Variants in CYP20A1 observed in about 807,000 individuals in gnomAD.
CYP20A1 encodes cytochrome P450 family 20 subfamily A member 1.
CYP20A1 carries 61 observed loss-of-function variants against 61.4 expected under a neutral mutation model. That is an observed-to-expected ratio of 0.99 (90% CI 0.81 to 1.23). CYP20A1 has a LOEUF of 1.23. CYP20A1 is among the 50% of genes most tolerant of loss of function. The pLI, the probability that CYP20A1 is intolerant of heterozygous loss-of-function variation, is 0.00. For missense variants in CYP20A1, 530 were observed against 542.4 expected, an observed-to-expected ratio of 0.98 and a Z score of 0.23; for synonymous variants, 193 against 188.2, an observed-to-expected ratio of 1.03 and a Z score of -0.21.
At chr2:203,244,857 C>T (rs1283862887) in intron 1 of CYP20A1, among the ~76,000 whole-genome samples, 4 of 151,164 alleles carry the variant, frequency 2.6e-5, no homozygotes, top group Middle Eastern at 3.4e-3. Context: ...CTCAGCCTCC[C>T]GAGTAGCTGG....
intron 4 of CYP20A1, among the ~76,000 whole-genome samples, chr2:203,258,610 A>C (rs188509015): frequency 1.3e-4 from 20 of 152,316 alleles, no homozygotes; most frequent in African/African-American, 4.6e-4. Flanking sequence ...ATTAGTTTCT[A>C]TCTTTTCCAG....
chr2:203,258,112 A>G (rs1048566254), intron 4 of CYP20A1, among the ~76,000 whole-genome samples: 2 of 147,268 alleles, frequency 1.4e-5, no homozygotes, highest in African/African-American at 2.5e-5. Context: ...TATATTTCCT[A>G]TGCTACTCTT....
chr2:203,289,568 T>C (rs2068443042), intron 9 of CYP20A1, among the ~76,000 whole-genome samples, 197 bp from the exon 10 acceptor site: 1 of 151,934 alleles, frequency 6.6e-6, no homozygotes, highest in Non-Finnish European at 1.5e-5. Flanking sequence ...AAAAATGTAT[T>C]TATTTTAAAA....
Position 203,271,245 on chromosome 2 carries a change from G to C in CYP20A1, c.601-1425G>C, listed in dbSNP as rs373848032. ...TGGGACTACAGGTGCCCGCCACCAC[G>C]CCCGGCTAATTTTTTTGTATTTTTA... On this transcript the variant is annotated intron_variant, in intron 5 of 12. Coordinates refer to ENST00000356079, the MANE Select transcript of CYP20A1 (RefSeq NM_177538.3). Among the ~76,000 whole-genome samples the C allele has an allele frequency of 1.1e-4, 17 of 150,162 alleles. No homozygotes were observed. In the East Asian group the frequency reaches 2.9e-3, roughly 26 times the overall value.
intron 4 of CYP20A1, among the ~76,000 whole-genome samples, chr2:203,266,058 G>A (rs567948653): frequency 6.6e-6 from 1 of 152,226 alleles, no homozygotes; most frequent in Non-Finnish European, 1.5e-5. Flanking sequence ...AATATTTGGT[G>A]AAGGAAGGAA....
In CYP20A1 at chr2:203,299,047, G is replaced by A. The variant is rs1335732503; in HGVS notation, c.*2139G>A. 6.6e-6 allele frequency among the ~76,000 whole-genome samples: 1 copy of A among 151,924 alleles called. No individual in the cohort carries two copies. The highest frequency in any genetic ancestry group is 1.5e-5 in the Non-Finnish European group (1 of 67,948). ...TGAGACCTTGTCTCAAAAAAAAAAGGAGTATCTTAAGTGTCTTTCAAAATT... is the reference window on the plus strand; with the variant it reads ...TGAGACCTTGTCTCAAAAAAAAAAGAAGTATCTTAAGTGTCTTTCAAAATT... On this transcript the variant is annotated 3_prime_UTR_variant, in exon 13 of 13. Transcript: ENST00000356079.
At chr2:203,248,202 C>T (rs943606222) in intron 3 of CYP20A1, among the ~76,000 whole-genome samples, 4 of 151,962 alleles carry the variant, frequency 2.6e-5, no homozygotes, top group African/African-American at 9.7e-5. Context: ...TCCAGCCAGG[C>T]AGCCAGGGGA....
In CYP20A1 at chr2:203,241,674, G is replaced by A. The variant is rs535672404; in HGVS notation, c.72+2540G>A. ...ATTGGTAATCTTTATTTTTTGTTTT[G>A]TTTCATTTAAGAGACAGAGTCTCAC... is the stretch of plus-strand genomic sequence containing the variant. On this transcript the variant is annotated intron_variant, in intron 1 of 12. Transcript: ENST00000356079. Among the ~76,000 whole-genome samples the A allele has an allele frequency of 2.4e-4, 37 of 152,098 alleles. 1 individual carries two copies. The East Asian group carries it at 7.1e-3, about 29-fold the overall frequency.
intron 8 of CYP20A1, among the ~76,000 whole-genome samples, chr2:203,281,333 C>A (rs144305945): frequency 5.3e-5 from 8 of 151,974 alleles, no homozygotes; most frequent in African/African-American, 1.9e-4. Flanking sequence ...ACAGCGGAAA[C>A]CCATCTCTAT....
At position 203,285,704 on chromosome 2, in the gene CYP20A1, G is replaced by C. The variant is rs144732080; in HGVS notation, c.943G>C (p.Val315Leu). Reference sequence around the variant, plus strand: ...AAACCAAGTTTTTGGAAATGGTCCTGTTACTCCAGAGAAAATTGAGCAGCT... The same window carrying C: ...AAACCAAGTTTTTGGAAATGGTCCTCTTACTCCAGAGAAAATTGAGCAGCT... ...EINQVFGNGP[V>L]TPEKIEQLRY... is the part of the protein sequence containing the mutation. The change falls in exon 9 of 13, where the codon GTT (valine) becomes CTT (leucine). Residue 315 changes from valine to leucine, a missense_variant. Coordinates refer to ENST00000356079, the MANE Select transcript of CYP20A1 (RefSeq NM_177538.3). The C allele has an allele frequency of 1.0e-3, 1,605 of 1,600,514 alleles. 5 individuals are homozygous for C. Among genetic ancestry groups the C allele is most frequent in the Admixed American group, 1.4e-3 (81 of 56,124 alleles).
chr2:203,272,114 C>T (rs1194066246), intron 5 of CYP20A1, among the ~76,000 whole-genome samples: 1 of 152,178 alleles, frequency 6.6e-6, no homozygotes, highest in African/African-American at 2.4e-5. Flanking sequence ...GAATTTTTCA[C>T]TTTCCATTTC....
chr2:203,285,759 T>G, intron 9 of CYP20A1, 27 bp downstream of exon 9: 2 of 1,512,822 alleles, frequency 1.3e-6, no homozygotes, highest in Non-Finnish European at 1.8e-6. Context: ...AAGAGGAGAT[T>G]ATTAAAAGGT....
chr2:203,273,779 A>G (rs1000793305), intron 6 of CYP20A1, among the ~76,000 whole-genome samples: 2 of 152,134 alleles, frequency 1.3e-5, no homozygotes, highest in African/African-American at 4.8e-5. Context: ...CCCTACCTCT[A>G]CTAAAAAAAT....
At chr2:203,242,246 A>C (rs1436056266) in intron 1 of CYP20A1, among the ~76,000 whole-genome samples, 1 of 152,148 alleles carries the variant, frequency 6.6e-6, no homozygotes, top group African/African-American at 2.4e-5. Context: ...TCAGCCTTCC[A>C]AAGATCTGGG....
intron 4 of CYP20A1, among the ~76,000 whole-genome samples, chr2:203,257,941 G>C (rs2066963323): frequency 1.3e-5 from 2 of 152,188 alleles, no homozygotes; most frequent in Non-Finnish European, 2.9e-5. Context: ...TCGCACTGTT[G>C]CCTGGGCTCA....
In CYP20A1 at chr2:203,272,747, T is replaced by G. The variant is rs1436179766; in HGVS notation, c.678T>G (p.Asp226Glu). The G allele has an allele frequency of 6.3e-7, 1 of 1,580,588 alleles. No homozygotes were observed. The change falls in exon 6 of 13, where the codon GAT (aspartate) becomes GAG (glutamate). Residue 226 changes from aspartate to glutamate, a missense_variant and splice_region_variant. Coordinates refer to ENST00000356079, the MANE Select transcript of CYP20A1 (RefSeq NM_177538.3). ...KNMTRKKQYE[D>E]ALMQLESVLR... is the part of the protein sequence containing the mutation. The stretch of plus-strand genomic sequence containing the variant: ...TGACTCGGAAAAAACAATATGAAGA[T>G]GGTAAGTTTGGTCACTTAATTTTTA...
chr2:203,292,653 T>G (rs2068586506), intron 11 of CYP20A1, among the ~76,000 whole-genome samples: 2 of 151,192 alleles, frequency 1.3e-5, no homozygotes, highest in South Asian at 4.2e-4. Context: ...CAGATGGGGT[T>G]TCACCATGTT....
At chr2:203,288,354 C>T (rs2068387959) in intron 9 of CYP20A1, among the ~76,000 whole-genome samples, 1 of 152,074 alleles carries the variant, frequency 6.6e-6, no homozygotes, top group Non-Finnish European at 1.5e-5. Flanking sequence ...ACATGTGCCA[C>T]CACGCCCAGC....
rs116914047 is a variant in CYP20A1 at position 203,299,563 on chromosome 2, T to G, written c.*2655T>G. Among the ~76,000 whole-genome samples the G allele has an allele frequency of 2.0e-4, 30 of 152,344 alleles. No homozygotes were observed. The East Asian group carries it at 5.8e-3, about 29-fold the overall frequency. On this transcript the variant is annotated 3_prime_UTR_variant, in exon 13 of 13. Transcript: ENST00000356079. Reference sequence around the variant, plus strand: ...TCTGTATTTTTGAAAAAAAAAATTTTTTTTGGAATAACTTAAATTCTAAAA... The same window carrying G: ...TCTGTATTTTTGAAAAAAAAAATTTGTTTTGGAATAACTTAAATTCTAAAA...
Sources: allele counts gnomAD v4.1 joint callset (sites outside exome capture counted in the v4.1 genomes callset), GRCh38; gene constraint gnomAD v4.1.1; transcripts MANE v1.5; gene names NCBI Gene and HGNC (gene_info 2026-07-23, HGNC 2026-07-21).